The following ZNF654 variants were observed in gnomAD, a reference collection of about 807,000 sequenced individuals.
ZNF654 encodes zinc finger protein 654.
Under a neutral mutation model 95.3 loss-of-function variants are expected in ZNF654, and 19 were observed. That is an observed-to-expected ratio of 0.20 (90% CI 0.14 to 0.29). The LOEUF (loss-of-function observed/expected upper bound fraction) is 0.29. ZNF654 is among the 10% of genes least tolerant of loss of function. The pLI is 1.00. For missense variants in ZNF654, 1,046 were observed against 1,341.0 expected (o/e 0.78, Z 3.44); for synonymous variants, 413 against 457.9 (o/e 0.90, Z 1.25).
intron 3 of ZNF654, among the ~76,000 whole-genome samples, chr3:88,125,919 C>T (rs1486579943): frequency 6.6e-6 from 1 of 152,148 alleles, no homozygotes; most frequent in Non-Finnish European, 1.5e-5. Flanking sequence ...TTTTCTAAGT[C>T]CAGTTATACA....
chr3:88,102,183 G>A (rs746916263), intron 2 of ZNF654, among the ~76,000 whole-genome samples: 5 of 151,942 alleles, frequency 3.3e-5, no homozygotes, highest in Non-Finnish European at 5.9e-5. Context: ...AGTTTTCTTC[G>A]TGTTTCTTGA....
chr3:88,128,651 TA>T (rs1266884559), intron 4 of ZNF654, among the ~76,000 whole-genome samples, 157 bp from the exon 5 acceptor site: 2 of 152,106 alleles, frequency 1.3e-5, no homozygotes, highest in African/African-American at 4.8e-5. Flanking sequence ...TCCAACCATA[TA>T]ACTGAATATT....
chr3:88,134,722 TAATTA>T (rs1163873752), intron 6 of ZNF654, among the ~76,000 whole-genome samples: 1 of 152,112 alleles, frequency 6.6e-6, no homozygotes, highest in African/African-American at 2.4e-5. Context: ...AGTAAAATAT[TAATTA>T]AAGGCCAAAG....
At chr3:88,129,407 A>G (rs1706315725) in intron 5 of ZNF654, among the ~76,000 whole-genome samples, 1 of 148,056 alleles carries the variant, frequency 6.8e-6, no homozygotes. Flanking sequence ...GCTCATGTTT[A>G]TTTTGTTTCT....
At chr3:88,129,465 T>C (rs1706319579) in intron 5 of ZNF654, among the ~76,000 whole-genome samples, 1 of 152,144 alleles carries the variant, frequency 6.6e-6, no homozygotes, top group African/African-American at 2.4e-5. Context: ...TATGTACCTA[T>C]AGGTTGTGGA....
At chr3:88,126,747 A>G (rs977678759) in intron 4 of ZNF654, among the ~76,000 whole-genome samples, 1 of 152,092 alleles carries the variant, frequency 6.6e-6, no homozygotes, top group Non-Finnish European at 1.5e-5. Context: ...TACAGAGTAG[A>G]TGCTTAATAT....
intron 7 of ZNF654, among the ~76,000 whole-genome samples, chr3:88,136,430 A>T (rs539961577): frequency 6.6e-6 from 1 of 152,198 alleles, no homozygotes. Context: ...AAATCATTCA[A>T]TTGCCTCAGT....
At chr3:88,123,860 C>T (rs375458378) in intron 3 of ZNF654, among the ~76,000 whole-genome samples, 24 of 152,128 alleles carry the variant, frequency 1.6e-4, no homozygotes, top group African/African-American at 4.8e-4. Context: ...GTTGAATTTT[C>T]GGGGCAGTCA....
chr3:88,106,052 G>A (rs569176362), intron 2 of ZNF654, among the ~76,000 whole-genome samples: 1 of 152,156 alleles, frequency 6.6e-6, no homozygotes, highest in Non-Finnish European at 1.5e-5. Context: ...AGAAGAGAAG[G>A]GCCTCACCAG....
At chr3:88,132,142 C>T (rs1278577528) in intron 6 of ZNF654, among the ~76,000 whole-genome samples, 1 of 152,036 alleles carries the variant, frequency 6.6e-6, no homozygotes, top group Non-Finnish European at 1.5e-5. Flanking sequence ...GTGTTCAAGC[C>T]ATTCAGCTAG....
Position 88,116,559 on chromosome 3 carries a change from T to TACAC in ZNF654, c.414+3364_414+3365insCACA, listed in dbSNP as rs140401038. Among the ~76,000 whole-genome samples, 538 of 146,650 alleles carry TACAC rather than the reference T, an allele frequency of 3.7e-3. 3 individuals are homozygous for TACAC. The highest frequency in any genetic ancestry group is 0.011 in the African/African-American group (446 of 39,774). On this transcript the variant is annotated intron_variant, in intron 3 of 8. Coordinates refer to ENST00000636215, the MANE Select transcript of ZNF654 (RefSeq NM_001350134.2). The stretch of plus-strand genomic sequence containing the variant: ...AAAAATACATACATACATACATATA[T>TACAC]ATACACACACACACACACATGCACA...
Position 88,128,825 on chromosome 3 carries a change from T to A in ZNF654, c.567T>A (p.Ser189Arg), listed in dbSNP as rs751595280. ...ASQEIVNKYL[S>R]SENPLFFELR... is the part of the protein sequence containing the mutation. ...TTAATATAGTGAACAAATATTTAAG[T>A]TCTGAAAATCCACTGTTCTTTGAAC... The change falls in exon 5 of 9, where the codon AGT becomes AGA. Residue 189 changes from serine (S) to arginine (R), a missense_variant. By Grantham distance (110) the Ser-to-Arg change is moderately radical. Transcript: ENST00000636215. 6.5e-7 allele frequency: 1 copy of A among 1,534,768 alleles called. No homozygotes were observed. The highest frequency in any genetic ancestry group is 8.7e-7 in the Non-Finnish European group (1 of 1,146,112).
intron 2 of ZNF654, among the ~76,000 whole-genome samples, chr3:88,093,177 TTAAG>T (rs1440901325): frequency 1.3e-5 from 2 of 152,218 alleles, no homozygotes; most frequent in Non-Finnish European, 2.9e-5. Context: ...ATTGAGTTAA[TTAAG>T]TTCTTACTGG....
intron 1 of ZNF654, among the ~76,000 whole-genome samples, chr3:88,071,473 TC>T (rs1373891204): frequency 6.6e-6 from 1 of 152,112 alleles, no homozygotes. Flanking sequence ...TGAAACCCCA[TC>T]TCTACTAAAA....
chr3:88,088,539 GT>G lies in ZNF654; in HGVS notation c.332+2139del, dbSNP rs543576888. On this transcript the variant is annotated intron_variant, in intron 2 of 8. Coordinates refer to ENST00000636215, the MANE Select transcript of ZNF654 (RefSeq NM_001350134.2). ...GAAAATATGATGGTTAAAATTTAAA[GT>G]TCTGTAGGAAGGTTGGAAGATGTAA... is the stretch of plus-strand genomic sequence containing the variant. Among the ~76,000 whole-genome samples, 297 of 152,218 alleles carry G rather than the reference GT, an allele frequency of 2.0e-3. 2 individuals are homozygous for G. The highest frequency in any genetic ancestry group is 6.8e-3 in the African/African-American group (282 of 41,548).
At chr3:88,064,155 G>A (rs1215225939) in intron 1 of ZNF654, among the ~76,000 whole-genome samples, 3 of 147,036 alleles carry the variant, frequency 2.0e-5, no homozygotes, top group Non-Finnish European at 4.5e-5. Context: ...TAGCAGTCAT[G>A]CCCTGTCCTC....
At position 88,140,178 on chromosome 3, in the gene ZNF654, A is replaced by G. The variant is rs771937801; in HGVS notation, c.2509A>G (p.Lys837Glu). The change falls in exon 8 of 9, where the codon AAA becomes GAA. Residue 837 changes from lysine (K) to glutamate (E), a missense_variant. Lys to Glu is a moderately conservative substitution (Grantham distance 56). Around this residue, in one of 9 missense-constraint regions of ZNF654, gnomAD observed 495 missense variants for 537.0 expected, o/e 0.92. Coordinates refer to ENST00000636215, the MANE Select transcript of ZNF654 (RefSeq NM_001350134.2). The stretch of plus-strand genomic sequence containing the variant: ...GCCGTTCCAGCTTGCCCAGCACACA[A>G]AAAGTCACAGGATATTTCAGGCTCA... Reference protein sequence around the residue: ...KLPFQLAQHTKSHRIFQAQCS... With the variant: ...KLPFQLAQHTESHRIFQAQCS... 1.9e-6 allele frequency: 3 copies of G among 1,613,722 alleles called. No homozygotes were observed. The highest frequency in any genetic ancestry group is 1.7e-5 in the Admixed American group (1 of 59,984).
At chr3:88,123,260 T>G (rs969355558) in intron 3 of ZNF654, among the ~76,000 whole-genome samples, 2 of 152,206 alleles carry the variant, frequency 1.3e-5, no homozygotes, top group African/African-American at 4.8e-5. Context: ...TTATTTCATC[T>G]GTTTCCTATC....
chr3:88,116,489 C>A (rs1246829034), intron 3 of ZNF654, among the ~76,000 whole-genome samples: 1 of 151,702 alleles, frequency 6.6e-6, no homozygotes, highest in Non-Finnish European at 1.5e-5. Flanking sequence ...CATCGCACTC[C>A]ATCCAGCCAG....
Sources: allele counts gnomAD v4.1 joint callset (sites outside exome capture counted in the v4.1 genomes callset), GRCh38; gene constraint gnomAD v4.1.1; regional missense constraint gnomAD v4.1.1; transcripts MANE v1.5; gene names NCBI Gene and HGNC (gene_info 2026-07-23, HGNC 2026-07-21).